GAS6: variants seen among roughly 807,000 people sequenced by gnomAD.
The protein encoded by GAS6 is growth arrest-specific protein 6.
In GAS6, 41 loss-of-function variants were observed where a neutral mutation model predicts 75.8. That is an observed-to-expected ratio of 0.54 (90% CI 0.42 to 0.70). The LOEUF (loss-of-function observed/expected upper bound fraction) is 0.70. GAS6 is among the 30% of genes least tolerant of loss of function. GAS6 has a pLI of 0.00. For synonymous variants in GAS6, 432 were observed against 412.6 expected (o/e 1.05, Z -0.57); for missense variants, 854 against 940.2 (o/e 0.91, Z 1.20).
intron 8 of GAS6, among the ~76,000 whole-genome samples, 198 bp downstream of exon 8, chr13:113,834,353 C>T (rs1192666735): frequency 6.6e-6 from 1 of 152,208 alleles, no homozygotes; most frequent in Non-Finnish European, 1.5e-5. Context: ...TGGGAGTTGC[C>T]ATAGAGACTC....
At chr13:113,836,919 A>G (rs2051723196) in intron 6 of GAS6, among the ~76,000 whole-genome samples, 2 of 100,152 alleles carry the variant, frequency 2.0e-5, no homozygotes, top group East Asian at 3.2e-4. Context: ...AATGGTGGGG[A>G]GGAAGAGGAA....
rs778664550 is a variant in GAS6, at chr13:113,823,529, C to G, written c.1499G>C (p.Gly500Ala). The G allele has an allele frequency of 3.1e-6, 5 of 1,612,140 alleles. No individual in the cohort carries two copies. In the South Asian group the frequency reaches 5.5e-5, roughly 18 times the overall value. ...LDYMRTPLDV[G>A]TESTWEVEVV... ...TTCTACTTCCCAGGTTGATTCAGTC[C>G]CGACGTCCAGAGGGGTCCGCACTGC... is the stretch of plus-strand genomic sequence containing the variant. The change falls in exon 13 of 15, where the codon GGG (glycine) becomes GCG (alanine). Residue 500 changes from glycine to alanine, a missense_variant. Transcript: ENST00000327773.
intron 12 of GAS6, among the ~76,000 whole-genome samples, chr13:113,824,536 C>G (rs1594188338): frequency 6.6e-6 from 1 of 152,204 alleles, no homozygotes. Context: ...AACTTCCGCC[C>G]TGTTTTCAGT....
At chr13:113,861,695 ACCCTGC>A (rs879383479) in intron 2 of GAS6, among the ~76,000 whole-genome samples, 29 of 152,120 alleles carry the variant, frequency 1.9e-4, no homozygotes, top group South Asian at 6.2e-4. Flanking sequence ...CAGCCTCTGG[ACCCTGC>A]CCCTGCCCCT....
At chr13:113,830,452 C>T (rs1272214600) in intron 10 of GAS6, among the ~76,000 whole-genome samples, 3 of 121,534 alleles carry the variant, frequency 2.5e-5, no homozygotes, top group Non-Finnish European at 4.9e-5. Context: ...CAGGCGACCT[C>T]GCCTCAGGCC....
At chr13:113,851,705 G>A (rs1449434218) in intron 2 of GAS6, among the ~76,000 whole-genome samples, 1 of 152,222 alleles carries the variant, frequency 6.6e-6, no homozygotes, top group South Asian at 2.1e-4. Flanking sequence ...GTGGGCAAGT[G>A]CAAGGGCCTG....
intron 3 of GAS6, chr13:113,847,030 C>G (rs761007917): frequency 1.2e-5 from 6 of 508,284 alleles, no homozygotes; most frequent in Non-Finnish European, 2.3e-5. Flanking sequence ...CACAGCTTGA[C>G]AGCAGACATC....
rs564563482 is a variant in GAS6 at position 113,826,631 on chromosome 13, A to G, written c.1477+365T>C. Among the ~76,000 whole-genome samples, 261 of 76,964 alleles carry G rather than the reference A, an allele frequency of 3.4e-3. 26 individuals carry two copies. Among genetic ancestry groups the G allele is most frequent in the Admixed American group, 4.7e-3 (34 of 7,200 alleles). The allele number at this position is 76,964 out of a possible 152,430, so 50.5% of individuals were successfully genotyped here. ...GCCTCCCGGCGCCGGCCTCGCAGGC[A>G]CCTTCTCTCCCCGGCCTCCTGGCGC... On this transcript the variant is annotated intron_variant, in intron 12 of 14. Coordinates refer to ENST00000327773, the MANE Select transcript of GAS6 (RefSeq NM_000820.4).
chr13:113,834,428 C>T, intron 8 of GAS6, 123 bp downstream of exon 8: 1 of 1,045,116 alleles, frequency 9.6e-7, no homozygotes, highest in Non-Finnish European at 1.3e-6. Context: ...TCCACATGGC[C>T]CTGGAGATCC....
chr13:113,826,304 C>A (rs1371568887), intron 12 of GAS6, among the ~76,000 whole-genome samples: 1 of 152,242 alleles, frequency 6.6e-6, no homozygotes, highest in Admixed American at 6.5e-5. Context: ...CCGAGAGCTT[C>A]TCTGTGCCCC....
In GAS6 at chr13:113,820,925, G is replaced by T. The variant is rs780966895; in HGVS notation, c.1976C>A (p.Ala659Glu). Residue 659 changes from alanine (A) to glutamate (E), a missense_variant, in exon 15 of 15, where the codon GCG (alanine) becomes GAG (glutamate). By Grantham distance (107) the Ala-to-Glu change is moderately radical. Transcript: ENST00000327773. The stretch of plus-strand genomic sequence containing the variant: ...GGCCGTGATGTCGCTGTGCTTGTAC[G>T]CCGCCTCGTCCAGGTCCAGCAGCCT... ...NRRLLDLDEA[A>E]YKHSDITAHS... 1.9e-6 allele frequency: 3 copies of T among 1,612,434 alleles called. No individual in the cohort carries two copies. The South Asian group carries it at 3.3e-5, about 18-fold the overall frequency.
At chr13:113,833,724 G>A in intron 8 of GAS6, 2 of 867,404 alleles carry the variant, frequency 2.3e-6, no homozygotes, top group Non-Finnish European at 2.7e-6. Context: ...ACAGGCACCG[G>A]TGTGACAGGT....
rs897602747 is a variant in GAS6 at position 113,846,880 on chromosome 13, G to C, written c.281-291C>G. On this transcript the variant is annotated intron_variant, in intron 3 of 14. Transcript: ENST00000327773. ...CCTCCTGCCATACGGGAGAATCACC[G>C]GGAATGCTCAGTAAGTTCCTGACGG... The C allele has an allele frequency of 6.0e-6, 3 of 497,884 alleles. No homozygotes were observed. In the East Asian group the frequency reaches 1.2e-4, roughly 20 times the overall value. The allele number at this position is 497,884 out of a possible 1,614,324, so 30.8% of individuals were successfully genotyped here.
At chr13:113,862,958 G>A (rs527590936) in intron 2 of GAS6, among the ~76,000 whole-genome samples, 1 of 152,188 alleles carries the variant, frequency 6.6e-6, no homozygotes, top group Non-Finnish European at 1.5e-5. Context: ...GCGGCCCCGG[G>A]CGCCCCGCCT....
At chr13:113,850,855 T>C (rs1232838838) in intron 2 of GAS6, among the ~76,000 whole-genome samples, 1 of 152,008 alleles carries the variant, frequency 6.6e-6, no homozygotes, top group Non-Finnish European at 1.5e-5. Context: ...GATAGATGCA[T>C]GTATGGATAA....
At chr13:113,834,457 C>T in intron 8 of GAS6, 94 bp downstream of exon 8, 3 of 1,297,390 alleles carry the variant, frequency 2.3e-6, no homozygotes, top group Non-Finnish European at 2.0e-6. Context: ...TTAGCAAAGG[C>T]CAGGTCTTCA....
Position 113,826,848 on chromosome 13 carries a change from G to GCCCCCCC in GAS6, c.1477+147_1477+148insGGGGGGG. On this transcript the variant is annotated intron_variant, in intron 12 of 14. Transcript: ENST00000327773. ...GAGGTGGGCCTCTGCCCGCACCTCC[G>GCCCCCCC]CCCACCCCGCCCACCCATCCCTGCC... 5 of 163,608 alleles carry GCCCCCCC rather than the reference G, an allele frequency of 3.1e-5. 1 individual carries two copies. The highest frequency in any genetic ancestry group is 2.6e-5 in the Non-Finnish European group (2 of 77,714). 10.1% of individuals were successfully genotyped at this position (163,608 alleles called of 1,614,324 possible).
Position 113,823,542 on chromosome 13 carries a change from G to C in GAS6, c.1486C>G (p.Pro496Ala). 6.2e-7 allele frequency: 1 copy of C among 1,610,610 alleles called. No individual in the cohort carries two copies. Among genetic ancestry groups the C allele is most frequent in the South Asian group, 1.1e-5 (1 of 90,852 alleles). Residue 496 changes from proline to alanine, a missense_variant, in exon 13 of 15, where the codon CCT becomes GCT. Physicochemically the swap from Pro to Ala is conservative, Grantham distance 27. Coordinates refer to ENST00000327773, the MANE Select transcript of GAS6 (RefSeq NM_000820.4). Reference sequence around the variant, plus strand: ...GTTGATTCAGTCCCGACGTCCAGAGGGGTCCGCACTGCAATGAAAGCGGTG... The same window carrying C: ...GTTGATTCAGTCCCGACGTCCAGAGCGGTCCGCACTGCAATGAAAGCGGTG... ...AFYSLDYMRTPLDVGTESTWE... is the reference protein window; with the variant it reads ...AFYSLDYMRTALDVGTESTWE...
chr13:113,840,111 G>A (rs2051760542), intron 4 of GAS6: 2 of 488,324 alleles, frequency 4.1e-6, no homozygotes, highest in Non-Finnish European at 7.2e-6. Flanking sequence ...CGCAAGGTGG[G>A]AAGGGCTGAG....
Sources: gnomAD v4.1 joint callset for allele counts (sites outside exome capture counted in the v4.1 genomes callset) on GRCh38, gnomAD v4.1.1 for gene constraint, MANE v1.5 for transcripts, NCBI Gene and HGNC (gene_info 2026-07-23, HGNC 2026-07-21) for gene names.